GGACT: variants seen among roughly 807,000 people sequenced by gnomAD.
GGACT encodes the protein gamma-glutamylaminecyclotransferase.
For missense variants in GGACT, 241 were observed against 233.2 expected (o/e 1.03, Z -0.22); for synonymous variants, 118 against 115.3 (o/e 1.02, Z -0.15).
At chr13:100,565,910 G>C (rs545969749) in intron 2 of GGACT, among the ~76,000 whole-genome samples, 58 of 152,312 alleles carry the variant, frequency 3.8e-4, no homozygotes, top group Admixed American at 3.4e-3. Context: ...ATGGGATTCA[G>C]TTATAAAAAG....
intron 2 of GGACT, among the ~76,000 whole-genome samples, chr13:100,547,841 C>T (rs2088622235): frequency 6.6e-6 from 1 of 152,234 alleles, no homozygotes; most frequent in Non-Finnish European, 1.5e-5. Context: ...CCTTCTCTGC[C>T]CACCCAGGCC....
At chr13:100,553,145 C>A (rs934650136) in intron 2 of GGACT, among the ~76,000 whole-genome samples, 1 of 152,156 alleles carries the variant, frequency 6.6e-6, no homozygotes, top group Admixed American at 6.5e-5. Flanking sequence ...GAGAGCCGTT[C>A]GAGGGCACTA....
chr13:100,573,709 C>G (rs1482459302), intron 2 of GGACT, among the ~76,000 whole-genome samples: 1 of 151,884 alleles, frequency 6.6e-6, no homozygotes, highest in African/African-American at 2.4e-5. Context: ...AAGCAAAAAA[C>G]AAATAAACCC....
At chr13:100,546,083 G>A (rs954086754) in intron 2 of GGACT, among the ~76,000 whole-genome samples, 6 of 152,152 alleles carry the variant, frequency 3.9e-5, no homozygotes, top group Admixed American at 1.3e-4. Context: ...ATAGATGGCC[G>A]GGCACAGTGG....
intron 2 of GGACT, among the ~76,000 whole-genome samples, chr13:100,558,506 G>A (rs1350412317): frequency 6.6e-6 from 1 of 152,144 alleles, no homozygotes; most frequent in Non-Finnish European, 1.5e-5. Flanking sequence ...ACCAAGTGTT[G>A]GCAAGATGTA....
intron 2 of GGACT, among the ~76,000 whole-genome samples, chr13:100,558,182 C>CAAAAA (rs35098533): frequency 8.8e-6 from 1 of 113,650 alleles, no homozygotes; most frequent in African/African-American, 3.2e-5. Flanking sequence ...AACTCCATCT[C>CAAAAA]AAAAAAAAAA....
chr13:100,583,296 G>A (rs943339631), intron 2 of GGACT, among the ~76,000 whole-genome samples: 1 of 152,148 alleles, frequency 6.6e-6, no homozygotes, highest in Admixed American at 6.5e-5. Flanking sequence ...ACACTATAAA[G>A]GGGAGATCGA....
intron 2 of GGACT, among the ~76,000 whole-genome samples, chr13:100,582,049 T>C (rs1206986333): frequency 6.6e-6 from 1 of 152,208 alleles, no homozygotes. Flanking sequence ...TCATGAAATA[T>C]TTTATCTTGA....
Position 100,530,439 on chromosome 13 carries a change from T to A in GGACT, c.*1691A>T. The A allele has an allele frequency of 1.8e-6, 1 of 543,694 alleles. No homozygotes were observed. Among genetic ancestry groups the A allele is most frequent in the Non-Finnish European group, 3.3e-6 (1 of 302,386 alleles). 33.7% of individuals were successfully genotyped at this position (543,694 alleles called of 1,614,324 possible). On this transcript the variant is annotated 3_prime_UTR_variant, in exon 3 of 3. Transcript: ENST00000683975. ...TAAAACTGAGCATTTGTCTAAATAT[T>A]AGTTTGCCCTTTCTTTGAATGAAGA...
At chr13:100,588,044 G>A (rs1476768043) in intron 1 of GGACT, among the ~76,000 whole-genome samples, 1 of 152,134 alleles carries the variant, frequency 6.6e-6, no homozygotes, top group Non-Finnish European at 1.5e-5. Flanking sequence ...AAAAGGGCCA[G>A]AAATCGACTG....
chr13:100,564,370 G>T lies in GGACT; in HGVS notation c.-11+19455C>A, dbSNP rs946587927. ...CATTTTCACAGGTTTTCCTAAAAAA[G>T]ACTTACATTCAACCTTCACCTACAT... On this transcript the variant is annotated intron_variant, in intron 2 of 2. Transcript: ENST00000683975. Among the ~76,000 whole-genome samples, 3 of 152,126 alleles carry T rather than the reference G, an allele frequency of 2.0e-5. No homozygotes were observed. The South Asian group carries it at 6.2e-4, about 32-fold the overall frequency.
rs551759760 is a variant in GGACT at position 100,531,800 on chromosome 13, ATATT to A, written c.*326_*329del. 9.2e-3 allele frequency: 2,253 copies of A among 246,132 alleles called. 55 individuals are homozygous for A. Among genetic ancestry groups the A allele is most frequent in the African/African-American group, 0.048 (2,085 of 43,506 alleles). The allele number at this position is 246,132 out of a possible 1,614,324, so 15.2% of individuals were successfully genotyped here. A position where few individuals can be genotyped will look rare whatever the true frequency, so the allele number is the denominator to read the frequency against. On this transcript the variant is annotated 3_prime_UTR_variant, in exon 3 of 3. Transcript: ENST00000683975. Reference sequence around the variant, plus strand: ...CACCAAGTCTTTACACTGATCCTAAATATTTATTATTATCTTGAGCTCAAAGCAG... The same window carrying A: ...CACCAAGTCTTTACACTGATCCTAAATATTATTATCTTGAGCTCAAAGCAG...
chr13:100,575,243 G>T (rs567161404), intron 2 of GGACT, among the ~76,000 whole-genome samples: 13 of 152,304 alleles, frequency 8.5e-5, no homozygotes, highest in Non-Finnish European at 1.5e-4. Flanking sequence ...TGAATTTACA[G>T]AAGGACCTCC....
At chr13:100,570,522 C>T (rs2153016167) in intron 2 of GGACT, among the ~76,000 whole-genome samples, 1 of 152,276 alleles carries the variant, frequency 6.6e-6, no homozygotes, top group East Asian at 1.9e-4. Flanking sequence ...ACCTGCCCTC[C>T]CACAACATGT....
chr13:100,550,713 G>A (rs148019695), intron 2 of GGACT, among the ~76,000 whole-genome samples: 5 of 152,300 alleles, frequency 3.3e-5, no homozygotes, highest in Non-Finnish European at 7.4e-5. Context: ...CCCAGCTGTT[G>A]CTGTGTGGTT....
At chr13:100,576,977 G>A (rs1309005716) in intron 2 of GGACT, among the ~76,000 whole-genome samples, 1 of 152,198 alleles carries the variant, frequency 6.6e-6, no homozygotes, top group African/African-American at 2.4e-5. Flanking sequence ...GTTTAAAAAT[G>A]AAAGGTAAAA....
chr13:100,576,797 GTT>G (rs951941335), intron 2 of GGACT, among the ~76,000 whole-genome samples: 8 of 152,188 alleles, frequency 5.3e-5, no homozygotes, highest in African/African-American at 1.9e-4. Flanking sequence ...GGGAGGGTTT[GTT>G]TTGTTTCCTG....
intron 2 of GGACT, among the ~76,000 whole-genome samples, chr13:100,558,863 A>G (rs963885746): frequency 1.3e-5 from 2 of 152,190 alleles, no homozygotes; most frequent in African/African-American, 4.8e-5. Context: ...GGTTGGTCAG[A>G]GAGCACACAT....
intron 2 of GGACT, chr13:100,533,872 C>G (rs2088453834): frequency 6.6e-6 from 1 of 152,324 alleles, no homozygotes; most frequent in African/African-American, 2.4e-5. Flanking sequence ...CGGCCCCTCG[C>G]TCCGCTGCCC....
Sources: gnomAD v4.1 joint callset for allele counts (sites outside exome capture counted in the v4.1 genomes callset) on GRCh38, gnomAD v4.1.1 for gene constraint, MANE v1.5 for transcripts, NCBI Gene and HGNC (gene_info 2026-07-23, HGNC 2026-07-21) for gene names.